The following OR51B5 variants were observed in gnomAD, a reference collection of about 807,000 sequenced individuals.
The protein encoded by OR51B5 is olfactory receptor 51B5.
For missense variants in OR51B5, 456 were observed against 374.6 expected (o/e 1.22, Z -1.79); for synonymous variants, 186 against 144.8 (o/e 1.28, Z -2.04).
intron 1 of OR51B5, among the ~76,000 whole-genome samples, chr11:5,376,157 C>G (rs2133712358): frequency 6.6e-6 from 1 of 152,092 alleles, no homozygotes; most frequent in East Asian, 1.9e-4. Flanking sequence ...GATTAAGAAA[C>G]TCACTCAAAA....
intron 1 of OR51B5, among the ~76,000 whole-genome samples, chr11:5,401,853 CTG>C (rs1849972915): frequency 7.5e-5 from 1 of 13,294 alleles, no homozygotes; most frequent in African/African-American, 1.1e-4. Context: ...TCTTTTTCTT[CTG>C]CTTTTTCTTT....
chr11:5,356,387 T>G (rs1276035455), intron 1 of OR51B5, among the ~76,000 whole-genome samples: 1 of 151,278 alleles, frequency 6.6e-6, no homozygotes, highest in Non-Finnish European at 1.5e-5. Context: ...TGATGGAAGA[T>G]CAAATGAATG....
At chr11:5,444,747 G>A (rs938621135) in intron 1 of OR51B5, among the ~76,000 whole-genome samples, 10 of 152,130 alleles carry the variant, frequency 6.6e-5, no homozygotes, top group African/African-American at 2.2e-4. Context: ...GTGGTGGGAG[G>A]AGGGACCATG....
At chr11:5,425,918 A>T (rs1264861678) in intron 1 of OR51B5, among the ~76,000 whole-genome samples, 1 of 152,232 alleles carries the variant, frequency 6.6e-6, no homozygotes, top group African/African-American at 2.4e-5. Context: ...ATTTTGCAAT[A>T]ATTAGCGTAA....
chr11:5,363,225 G>A (rs1849311466), intron 1 of OR51B5, among the ~76,000 whole-genome samples: 1 of 142,346 alleles, frequency 7.0e-6, no homozygotes, highest in Non-Finnish European at 1.5e-5. Context: ...TCCCCACAAC[G>A]AACCCAACCC....
intron 1 of OR51B5, among the ~76,000 whole-genome samples, chr11:5,383,592 C>T (rs1244003908): frequency 6.6e-6 from 1 of 152,166 alleles, no homozygotes; most frequent in Non-Finnish European, 1.5e-5. Context: ...TAAAAATAAA[C>T]AGATAAGGCA....
At chr11:5,437,859 T>G (rs1850613630) in intron 1 of OR51B5, among the ~76,000 whole-genome samples, 1 of 152,162 alleles carries the variant, frequency 6.6e-6, no homozygotes, top group African/African-American at 2.4e-5. Flanking sequence ...GAGGGTGTAT[T>G]GAGAGAAGGA....
At chr11:5,436,021 T>C (rs936098537) in intron 1 of OR51B5, among the ~76,000 whole-genome samples, 1 of 152,156 alleles carries the variant, frequency 6.6e-6, no homozygotes, top group African/African-American at 2.4e-5. Flanking sequence ...CATTAATGAA[T>C]AAAAGATGAA....
intron 1 of OR51B5, chr11:5,351,791 G>T: frequency 6.2e-7 from 1 of 1,614,102 alleles, no homozygotes; most frequent in Non-Finnish European, 8.5e-7. Context: ...CATGGAGCCT[G>T]CTTCTCTCAG....
intron 1 of OR51B5, among the ~76,000 whole-genome samples, chr11:5,426,181 G>A (rs1037600394): frequency 1.3e-5 from 2 of 152,184 alleles, no homozygotes; most frequent in African/African-American, 4.8e-5. Context: ...TAGTGAGTAT[G>A]TCAATCAATG....
At chr11:5,368,971 C>G (rs1263710464) in intron 1 of OR51B5, among the ~76,000 whole-genome samples, 1 of 152,086 alleles carries the variant, frequency 6.6e-6, no homozygotes, top group Admixed American at 6.6e-5. Context: ...CCCAAGAAGC[C>G]TAAATTGTGT....
intron 1 of OR51B5, among the ~76,000 whole-genome samples, chr11:5,441,964 G>C (rs772511189): frequency 3.4e-4 from 52 of 152,080 alleles, no homozygotes; most frequent in Non-Finnish European, 5.6e-4. Context: ...CCCTGAACTT[G>C]TCATAGCCAA....
intron 1 of OR51B5, among the ~76,000 whole-genome samples, chr11:5,425,939 G>A (rs1850443161): frequency 6.6e-6 from 1 of 152,144 alleles, no homozygotes; most frequent in Non-Finnish European, 1.5e-5. Context: ...AAAGAAAAGA[G>A]ACAGAAAATT....
intron 1 of OR51B5, among the ~76,000 whole-genome samples, chr11:5,448,220 A>G (rs1285193719): frequency 6.6e-6 from 1 of 152,180 alleles, no homozygotes; most frequent in Non-Finnish European, 1.5e-5. Context: ...TTATATTCTG[A>G]CCAGACCATA....
intron 1 of OR51B5, among the ~76,000 whole-genome samples, chr11:5,399,196 G>T (rs1849929154): frequency 6.6e-6 from 1 of 152,096 alleles, no homozygotes; most frequent in Non-Finnish European, 1.5e-5. Flanking sequence ...GCTTATGTCT[G>T]GTTTATATGC....
intron 1 of OR51B5, among the ~76,000 whole-genome samples, chr11:5,349,258 A>AC (rs1480156166): frequency 5.3e-5 from 8 of 151,694 alleles, no homozygotes; most frequent in African/African-American, 1.9e-4. Context: ...AGACAAGACA[A>AC]ACAGCTATTT....
chr11:5,354,250 G>C (rs1395414530), intron 1 of OR51B5, among the ~76,000 whole-genome samples: 1 of 152,184 alleles, frequency 6.6e-6, no homozygotes, highest in Non-Finnish European at 1.5e-5. Flanking sequence ...TTTTGGGAAT[G>C]AATTCAGGGG....
intron 1 of OR51B5, among the ~76,000 whole-genome samples, chr11:5,351,088 C>T (rs545824840): frequency 2.6e-5 from 4 of 152,302 alleles, no homozygotes; most frequent in South Asian, 2.1e-4. Flanking sequence ...GAAACCTTTA[C>T]ATCCACCCTA....
intron 1 of OR51B5, among the ~76,000 whole-genome samples, chr11:5,485,331 A>C (rs1344446740): frequency 6.6e-6 from 1 of 152,216 alleles, no homozygotes; most frequent in Non-Finnish European, 1.5e-5. Flanking sequence ...GGCAACGTTC[A>C]GAAGTTATAA....
Sources: gnomAD v4.1 joint callset for allele counts (sites outside exome capture counted in the v4.1 genomes callset) on GRCh38, gnomAD v4.1.1 for gene constraint, MANE v1.5 for transcripts, NCBI Gene and HGNC (gene_info 2026-07-23, HGNC 2026-07-21) for gene names.